RIMS2: variants seen among roughly 807,000 people sequenced by gnomAD.
RIMS2 encodes regulating synaptic membrane exocytosis protein 2.
A neutral mutation model predicts 174.4 loss-of-function variants in RIMS2; 59 were observed. That is an observed-to-expected ratio of 0.34 (90% confidence interval 0.27 to 0.42). The LOEUF is 0.42. RIMS2 is among the 10% of genes least tolerant of loss of function. RIMS2 has a pLI of 1.00. For missense variants in RIMS2, 1,620 were observed against 1,666.3 expected (o/e 0.97, Z 0.48); for synonymous variants, 606 against 572.5 (o/e 1.06, Z -0.84).
At chr8:104,047,394 T>C (rs1414763653) in intron 19 of RIMS2, among the ~76,000 whole-genome samples, 2 of 152,112 alleles carry the variant, frequency 1.3e-5, no homozygotes, top group African/African-American at 2.4e-5. Flanking sequence ...GTAAGAAATA[T>C]TGGTCTGAGA....
intron 2 of RIMS2, among the ~76,000 whole-genome samples, chr8:103,754,858 A>G (rs2097958582): frequency 6.6e-6 from 1 of 152,082 alleles, no homozygotes; most frequent in East Asian, 1.9e-4. Flanking sequence ...AATACAGCAC[A>G]CTGATGGGTC....
intron 2 of RIMS2, among the ~76,000 whole-genome samples, chr8:103,742,883 T>A (rs765447802): frequency 7.9e-5 from 12 of 152,166 alleles, no homozygotes; most frequent in Non-Finnish European, 1.6e-4. Context: ...ATCTTACATA[T>A]ACTCGTACCT....
intron 19 of RIMS2, among the ~76,000 whole-genome samples, chr8:104,122,590 A>G (rs1315546502): frequency 6.6e-6 from 1 of 152,180 alleles, no homozygotes; most frequent in Non-Finnish European, 1.5e-5. Context: ...GATGAAGAGT[A>G]AAAGATTTTA....
At chr8:103,520,133 C>CT (rs1374562554) in intron 1 of RIMS2, among the ~76,000 whole-genome samples, 1 of 152,098 alleles carries the variant, frequency 6.6e-6, no homozygotes, top group Non-Finnish European at 1.5e-5. Context: ...CTTGGACTCT[C>CT]TGTCTCTTTA....
chr8:103,674,514 T>G (rs1370082780), intron 1 of RIMS2, among the ~76,000 whole-genome samples: 1 of 152,108 alleles, frequency 6.6e-6, no homozygotes, highest in Non-Finnish European at 1.5e-5. Flanking sequence ...TTTTTTATTT[T>G]TTTAATTTGA....
intron 15 of RIMS2, among the ~76,000 whole-genome samples, chr8:103,966,315 G>T (rs1032751323): frequency 3.3e-5 from 5 of 152,096 alleles, no homozygotes; most frequent in African/African-American, 4.8e-5. Context: ...ATAGATGTAG[G>T]CCTGTTCAGG....
intron 2 of RIMS2, among the ~76,000 whole-genome samples, chr8:103,700,989 G>C (rs2097160276): frequency 6.6e-6 from 1 of 151,942 alleles, no homozygotes; most frequent in Non-Finnish European, 1.5e-5. Flanking sequence ...TGTATAAAGA[G>C]TTTATCTTCC....
intron 19 of RIMS2, among the ~76,000 whole-genome samples, chr8:104,073,194 A>T (rs949349459): frequency 1.3e-5 from 2 of 152,176 alleles, no homozygotes; most frequent in Admixed American, 6.5e-5. Context: ...AATTGGCATA[A>T]TTATCAATAC....
At chr8:104,022,145 T>G (rs768024008) in intron 19 of RIMS2, among the ~76,000 whole-genome samples, 1 of 152,212 alleles carries the variant, frequency 6.6e-6, no homozygotes, top group Non-Finnish European at 1.5e-5. Context: ...TTGTGACATC[T>G]GGAACAATGG....
intron 3 of RIMS2, among the ~76,000 whole-genome samples, chr8:103,842,612 A>T (rs2154487780): frequency 6.6e-6 from 1 of 152,296 alleles, no homozygotes. Context: ...TCTAAGACTT[A>T]TGTGTAATTG....
chr8:103,606,369 T>A (rs948101360), intron 1 of RIMS2, among the ~76,000 whole-genome samples: 1 of 151,788 alleles, frequency 6.6e-6, no homozygotes, highest in Non-Finnish European at 1.5e-5. Context: ...TGAGAGATAG[T>A]TTGTTATAAT....
At chr8:103,731,139 C>T (rs2097587555) in intron 2 of RIMS2, among the ~76,000 whole-genome samples, 1 of 152,126 alleles carries the variant, frequency 6.6e-6, no homozygotes, top group Non-Finnish European at 1.5e-5. Context: ...CACAGGGTCC[C>T]TCCTATGATA....
chr8:103,813,961 C>A (rs995739740), intron 3 of RIMS2, among the ~76,000 whole-genome samples: 42 of 152,196 alleles, frequency 2.8e-4, no homozygotes, highest in Admixed American at 7.9e-4. Context: ...ATGTTCATTG[C>A]AGCACTACTA....
intron 18 of RIMS2, 125 bp from the exon 21 acceptor site, chr8:104,014,381 C>T (rs1043576166): frequency 1.9e-6 from 1 of 537,800 alleles, no homozygotes; most frequent in African/African-American, 1.9e-5. Flanking sequence ...GTTTTCCTAA[C>T]CTTTTAATCT....
intron 19 of RIMS2, among the ~76,000 whole-genome samples, chr8:104,117,384 A>C (rs2098295478): frequency 1.3e-5 from 2 of 151,958 alleles, no homozygotes; most frequent in African/African-American, 4.8e-5. Context: ...CTTTGAAATA[A>C]ATTTCCTTTT....
chr8:103,713,425 CA>C (rs1486733393), intron 2 of RIMS2, among the ~76,000 whole-genome samples: 1 of 152,166 alleles, frequency 6.6e-6, no homozygotes, highest in African/African-American at 2.4e-5. Context: ...TGGAAGAACC[CA>C]CAAATCTACA....
At chr8:103,657,378 A>G (rs2096544112) in intron 1 of RIMS2, among the ~76,000 whole-genome samples, 1 of 152,224 alleles carries the variant, frequency 6.6e-6, no homozygotes, top group African/African-American at 2.4e-5. Context: ...GAAGTGTCAT[A>G]GGTCACTTTT....
At chr8:103,817,507 G>A (rs2098725305) in intron 3 of RIMS2, among the ~76,000 whole-genome samples, 1 of 152,210 alleles carries the variant, frequency 6.6e-6, no homozygotes, top group African/African-American at 2.4e-5. Flanking sequence ...CAGGCCAGGC[G>A]CAGTGGCTCA....
At chr8:103,601,885 C>T (rs1361403624) in intron 1 of RIMS2, among the ~76,000 whole-genome samples, 2 of 152,064 alleles carry the variant, frequency 1.3e-5, no homozygotes, top group Non-Finnish European at 2.9e-5. Context: ...AAACTCATGA[C>T]AGCTTAACAC....
Sources: gnomAD v4.1 joint callset for allele counts (sites outside exome capture counted in the v4.1 genomes callset) on GRCh38, gnomAD v4.1.1 for gene constraint, MANE v1.5 for transcripts, NCBI Gene and HGNC (gene_info 2026-07-23, HGNC 2026-07-21) for gene names.